NKAIN2: variants seen among roughly 807,000 people sequenced by gnomAD.
NKAIN2 encodes the protein sodium/potassium transporting ATPase interacting 2, also known as sodium/potassium-transporting ATPase subunit beta-1-interacting protein 2.
NKAIN2 carries 14 observed loss-of-function variants against 32.6 expected under a neutral mutation model. The ratio of observed to expected loss-of-function variants is 0.43; its 90% CI spans 0.28 to 0.67. The LOEUF is 0.67. NKAIN2 is among the 30% of genes least tolerant of loss of function. The pLI, the probability that NKAIN2 is intolerant of heterozygous loss-of-function variation, is 0.17. For synonymous variants in NKAIN2, 80 were observed against 87.2 expected (o/e 0.92, Z 0.46); for missense variants, 198 against 258.3 (o/e 0.77, Z 1.60).
intron 1 of NKAIN2, among the ~76,000 whole-genome samples, chr6:124,214,974 G>A (rs762430632): frequency 6.6e-6 from 1 of 151,802 alleles, no homozygotes; most frequent in South Asian, 2.1e-4. Context: ...AAAAGCTGCC[G>A]ATATATGAGA....
At chr6:124,476,104 G>A (rs532677364) in intron 3 of NKAIN2, among the ~76,000 whole-genome samples, 51 of 147,238 alleles carry the variant, frequency 3.5e-4, no homozygotes, top group East Asian at 1.1e-3. Context: ...GTGTGCGTGC[G>A]CGCGCGCATG....
chr6:124,526,677 ATG>A (rs1229544966), intron 3 of NKAIN2, among the ~76,000 whole-genome samples: 1 of 152,206 alleles, frequency 6.6e-6, no homozygotes, highest in Non-Finnish European at 1.5e-5. Context: ...GCAAGTGAAA[ATG>A]ACCAGAAATT....
At chr6:124,351,824 G>A (rs1298608567) in intron 2 of NKAIN2, among the ~76,000 whole-genome samples, 1 of 151,978 alleles carries the variant, frequency 6.6e-6, no homozygotes, top group Admixed American at 6.6e-5. Context: ...GTTTTGCCAC[G>A]TTGGCCCACT....
At chr6:123,902,433 T>A (rs1994616) in intron 1 of NKAIN2, among the ~76,000 whole-genome samples, 48,453 of 152,056 alleles carry the variant, frequency 0.32, 10,382 homozygotes, top group African/African-American at 0.62. Flanking sequence ...AGTGTGATGT[T>A]GGTGGTACAG....
intron 3 of NKAIN2, among the ~76,000 whole-genome samples, chr6:124,632,483 A>C (rs116751953): frequency 6.6e-6 from 1 of 152,004 alleles, no homozygotes; most frequent in Non-Finnish European, 1.5e-5. Context: ...TTTCTTTCCC[A>C]ATATTTGTGC....
At position 124,809,346 on chromosome 6, in the gene NKAIN2, G is replaced by C. The variant is rs9491242; in HGVS notation, c.536-9041G>C. Among the ~76,000 whole-genome samples, 734 of 149,842 alleles carry C rather than the reference G, an allele frequency of 4.9e-3. 10 individuals carry two copies. The highest frequency in any genetic ancestry group is 0.017 in the African/African-American group (684 of 40,206). On this transcript the variant is annotated intron_variant, in intron 5 of 6. Transcript: ENST00000368417. ...TAACGCCACATATCTACAACTATCCGATCTTTGACAAACCTGAGAAAAACA... is the reference window on the plus strand; with the variant it reads ...TAACGCCACATATCTACAACTATCCCATCTTTGACAAACCTGAGAAAAACA...
chr6:123,883,982 A>G (rs947345532), intron 1 of NKAIN2, among the ~76,000 whole-genome samples: 1 of 151,268 alleles, frequency 6.6e-6, no homozygotes, highest in African/African-American at 2.4e-5. Context: ...TTTTAAGTTC[A>G]GGGGTACAAG....
intron 1 of NKAIN2, among the ~76,000 whole-genome samples, chr6:123,843,768 G>A (rs974328483): frequency 6.6e-6 from 1 of 152,086 alleles, no homozygotes; most frequent in Non-Finnish European, 1.5e-5. Flanking sequence ...GACGGGTGGT[G>A]GCGACGCAAG....
In NKAIN2 at chr6:124,238,523, G is replaced by T. The variant is rs1439746269; in HGVS notation, c.55-44482G>T. Among the ~76,000 whole-genome samples the T allele has an allele frequency of 7.2e-5, 11 of 152,142 alleles. No individual in the cohort carries two copies. The East Asian group carries it at 2.1e-3, about 29-fold the overall frequency. The stretch of plus-strand genomic sequence containing the variant: ...GTTTTTAAATATAAAAGCAATAGAA[G>T]TTAAAATATAGCTTGGAAAACAGGA... On this transcript the variant is annotated intron_variant, in intron 1 of 6. Coordinates refer to ENST00000368417, the MANE Select transcript of NKAIN2 (RefSeq NM_001040214.3).
intron 1 of NKAIN2, among the ~76,000 whole-genome samples, chr6:124,120,391 A>T (rs1785822876): frequency 6.6e-6 from 1 of 152,180 alleles, no homozygotes. Context: ...ATTAGTGGAT[A>T]ATAATAGTAT....
chr6:124,089,081 T>G (rs1784313662), intron 1 of NKAIN2, among the ~76,000 whole-genome samples: 1 of 152,014 alleles, frequency 6.6e-6, no homozygotes, highest in Non-Finnish European at 1.5e-5. Flanking sequence ...TATAAAATTT[T>G]CATTGGATCT....
intron 1 of NKAIN2, among the ~76,000 whole-genome samples, chr6:123,908,099 A>T (rs1320766200): frequency 6.6e-6 from 1 of 152,160 alleles, no homozygotes; most frequent in Non-Finnish European, 1.5e-5. Context: ...CAGGAGAAAG[A>T]GTTCGATTAT....
intron 3 of NKAIN2, among the ~76,000 whole-genome samples, chr6:124,369,988 A>G (rs1799682998): frequency 6.7e-6 from 1 of 149,942 alleles, no homozygotes; most frequent in African/African-American, 2.5e-5. Context: ...TTAAATAGCA[A>G]AATTTGTTTC....
chr6:124,524,490 TTTTA>T (rs1458091972), intron 3 of NKAIN2, among the ~76,000 whole-genome samples: 1 of 152,190 alleles, frequency 6.6e-6, no homozygotes, highest in Non-Finnish European at 1.5e-5. Flanking sequence ...TTCATAGTCT[TTTTA>T]TTTAATTTTT....
At chr6:124,811,537 C>G (rs1413604019) in intron 5 of NKAIN2, among the ~76,000 whole-genome samples, 1 of 152,114 alleles carries the variant, frequency 6.6e-6, no homozygotes, top group African/African-American at 2.4e-5. Flanking sequence ...CTAAATTCCA[C>G]TATCATTAAT....
At chr6:124,189,958 A>C (rs565183659) in intron 1 of NKAIN2, among the ~76,000 whole-genome samples, 1 of 152,338 alleles carries the variant, frequency 6.6e-6, no homozygotes, top group African/African-American at 2.4e-5. Context: ...TATTCCTTTT[A>C]GTGAAAACAA....
At chr6:124,480,908 T>C (rs576147502) in intron 3 of NKAIN2, among the ~76,000 whole-genome samples, 39 of 152,202 alleles carry the variant, frequency 2.6e-4, no homozygotes, top group Admixed American at 4.6e-4. Flanking sequence ...AAATAAGATA[T>C]ATATTGCCAA....
At chr6:123,879,026 C>T (rs755035767) in intron 1 of NKAIN2, among the ~76,000 whole-genome samples, 7 of 152,122 alleles carry the variant, frequency 4.6e-5, no homozygotes, top group Non-Finnish European at 1.0e-4. Flanking sequence ...TTAGAAGACT[C>T]TGTTTTCTTT....
At chr6:123,971,059 C>T (rs1418868080) in intron 1 of NKAIN2, among the ~76,000 whole-genome samples, 1 of 151,716 alleles carries the variant, frequency 6.6e-6, no homozygotes, top group African/African-American at 2.4e-5. Context: ...ATGCTGGAAG[C>T]CTAGGAAATA....
Sources: allele counts gnomAD v4.1 joint callset (sites outside exome capture counted in the v4.1 genomes callset), GRCh38; gene constraint gnomAD v4.1.1; transcripts MANE v1.5; gene names NCBI Gene and HGNC (gene_info 2026-07-23, HGNC 2026-07-21).